The following ADGRL3 variants were observed in gnomAD, a reference collection of about 807,000 sequenced individuals.
The protein encoded by ADGRL3 is calcium-independent alpha-latrotoxin receptor 3.
Under a neutral mutation model 153.5 loss-of-function variants are expected in ADGRL3, and 62 were observed. The observed-to-expected ratio is 0.40, with a 90% CI of 0.33 to 0.50. ADGRL3 has a LOEUF of 0.50. Among genes scored for constraint, ADGRL3 ranks in the 20% least tolerant of loss-of-function variants. The probability of loss-of-function intolerance (pLI) is 0.47; values close to 1 mark genes in which losing one functional copy is unlikely to be tolerated. For synonymous variants in ADGRL3, 710 were observed against 672.5 expected (o/e 1.06, Z -0.86); for missense variants, 1,641 against 1,859.4 (o/e 0.88, Z 2.16).
chr4:61,312,643 T>A (rs1024085163), intron 1 of ADGRL3, among the ~76,000 whole-genome samples: 26 of 152,138 alleles, frequency 1.7e-4, no homozygotes, highest in African/African-American at 6.3e-4. Context: ...TACTTAACAT[T>A]ATATGACATT....
At chr4:61,828,834 A>G (rs1488163543) in intron 9 of ADGRL3, among the ~76,000 whole-genome samples, 1 of 152,224 alleles carries the variant, frequency 6.6e-6, no homozygotes, top group Admixed American at 6.5e-5. Flanking sequence ...ATGAAAAGCT[A>G]TGTCCCTGCC....
At chr4:61,524,128 C>T (rs922262281) in intron 4 of ADGRL3, among the ~76,000 whole-genome samples, 3 of 152,024 alleles carry the variant, frequency 2.0e-5, no homozygotes, top group Non-Finnish European at 4.4e-5. Context: ...CCTTTTTCTT[C>T]TCTATCCCCT....
intron 5 of ADGRL3, among the ~76,000 whole-genome samples, chr4:61,658,404 A>G (rs1263288795): frequency 6.6e-6 from 1 of 152,138 alleles, no homozygotes; most frequent in Non-Finnish European, 1.5e-5. Context: ...CCAGGCTCAT[A>G]TAATTATTAG....
intron 8 of ADGRL3, among the ~76,000 whole-genome samples, chr4:61,734,839 G>C (rs2096488481): frequency 6.6e-6 from 1 of 152,152 alleles, no homozygotes. Flanking sequence ...ACAAGAAATT[G>C]ACTCTCCTTT....
intron 9 of ADGRL3, among the ~76,000 whole-genome samples, chr4:61,863,187 T>C (rs2098362141): frequency 6.6e-6 from 1 of 151,978 alleles, no homozygotes; most frequent in East Asian, 1.9e-4. Context: ...CGACACATTA[T>C]TGACAAGGAA....
At chr4:62,006,047 T>TTTTTA (rs2099157952) in intron 21 of ADGRL3, among the ~76,000 whole-genome samples, 1 of 134,774 alleles carries the variant, frequency 7.4e-6, no homozygotes, top group Non-Finnish European at 1.6e-5. Flanking sequence ...TTTTTTTTTT[T>TTTTTA]GAGAAAGGGT....
intron 4 of ADGRL3, among the ~76,000 whole-genome samples, chr4:61,560,945 T>C (rs975959682): frequency 6.6e-6 from 1 of 152,168 alleles, no homozygotes; most frequent in African/African-American, 2.4e-5. Flanking sequence ...GGGTCGCTAA[T>C]AACTTGAAAA....
At chr4:61,811,112 A>G (rs962926912) in intron 8 of ADGRL3, among the ~76,000 whole-genome samples, 7 of 152,176 alleles carry the variant, frequency 4.6e-5, no homozygotes, top group Admixed American at 2.6e-4. Flanking sequence ...TAACATTACC[A>G]TATGACACAG....
chr4:61,756,207 G>C (rs952274888), intron 8 of ADGRL3, among the ~76,000 whole-genome samples: 2 of 152,098 alleles, frequency 1.3e-5, no homozygotes, highest in African/African-American at 4.8e-5. Flanking sequence ...AATTACCTTG[G>C]GCAGTATGGC....
chr4:61,277,537 T>C (rs540277073), intron 1 of ADGRL3, among the ~76,000 whole-genome samples: 1 of 152,124 alleles, frequency 6.6e-6, no homozygotes, highest in African/African-American at 2.4e-5. Context: ...TTAGGTAGAG[T>C]CAGCATCTTG....
intron 5 of ADGRL3, among the ~76,000 whole-genome samples, chr4:61,655,003 T>C (rs908371218): frequency 6.6e-6 from 1 of 152,192 alleles, no homozygotes; most frequent in Non-Finnish European, 1.5e-5. Flanking sequence ...AATAATTATC[T>C]AAGACTTATG....
chr4:61,251,567 G>A (rs1181916010), intron 1 of ADGRL3, among the ~76,000 whole-genome samples: 1 of 152,128 alleles, frequency 6.6e-6, no homozygotes, highest in Non-Finnish European at 1.5e-5. Flanking sequence ...AGCAACTTGT[G>A]GTTATCGCCA....
At chr4:61,340,033 G>A (rs1223211684) in intron 1 of ADGRL3, among the ~76,000 whole-genome samples, 2 of 152,178 alleles carry the variant, frequency 1.3e-5, no homozygotes, top group Admixed American at 6.6e-5. Flanking sequence ...TGTGTAAAGA[G>A]TGTGAAGTTG....
chr4:61,300,768 C>CTT (rs1239709667), intron 1 of ADGRL3, among the ~76,000 whole-genome samples: 1 of 28,934 alleles, frequency 3.5e-5, no homozygotes, highest in Middle Eastern at 0.018. Flanking sequence ...TTCTTTCTTT[C>CTT]TTTTTTTTTT....
chr4:61,766,254 G>A (rs1205654226), intron 8 of ADGRL3, among the ~76,000 whole-genome samples: 1 of 152,090 alleles, frequency 6.6e-6, no homozygotes. Context: ...GAGCCGGGAA[G>A]CAGAAAGTAT....
At chr4:61,466,938 A>C (rs565686785) in intron 2 of ADGRL3, among the ~76,000 whole-genome samples, 2 of 152,248 alleles carry the variant, frequency 1.3e-5, no homozygotes, top group Non-Finnish European at 2.9e-5. Context: ...TGAAAAAAAT[A>C]TGCTACAAGT....
chr4:61,949,417 G>C (rs1030205036), intron 17 of ADGRL3, among the ~76,000 whole-genome samples: 1 of 151,970 alleles, frequency 6.6e-6, no homozygotes, highest in Non-Finnish European at 1.5e-5. Flanking sequence ...CTTAAAATAG[G>C]CCGGGCATGG....
chr4:62,005,053 A>G (rs759708168), intron 21 of ADGRL3, among the ~76,000 whole-genome samples: 4 of 152,148 alleles, frequency 2.6e-5, no homozygotes, highest in Non-Finnish European at 4.4e-5. Context: ...CTTGCTTCAG[A>G]CAAGTTGAGA....
chr4:61,856,710 G>A (rs1194450479), intron 9 of ADGRL3, among the ~76,000 whole-genome samples: 1 of 139,278 alleles, frequency 7.2e-6, no homozygotes, highest in Non-Finnish European at 1.5e-5. Flanking sequence ...TCCACCTCCA[G>A]GGTTCAAGCA....
Sources: gnomAD v4.1 joint callset for allele counts (sites outside exome capture counted in the v4.1 genomes callset) on GRCh38, gnomAD v4.1.1 for gene constraint, MANE v1.5 for transcripts, NCBI Gene and HGNC (gene_info 2026-07-23, HGNC 2026-07-21) for gene names.